Variants in PLEKHA7 observed in about 807,000 individuals in gnomAD.
PLEKHA7 encodes the protein pleckstrin homology domain containing A7.
A neutral mutation model predicts 170.0 loss-of-function variants in PLEKHA7; 104 were observed. The ratio of observed to expected loss-of-function variants is 0.61; its 90% CI spans 0.52 to 0.72. The LOEUF (loss-of-function observed/expected upper bound fraction) is 0.72, where lower values mean the gene tolerates loss of function less well. Ranked by LOEUF, PLEKHA7 falls within the 30% of genes least tolerant of loss-of-function variation. PLEKHA7 has a pLI of 0.00. For synonymous variants in PLEKHA7, 648 were observed against 660.8 expected (o/e 0.98, Z 0.30); for missense variants, 1,615 against 1,671.7 (o/e 0.97, Z 0.59).
At position 16,826,589 on chromosome 11, in the gene PLEKHA7, C is replaced by T. The variant is rs1274524862; in HGVS notation, c.874G>A (p.Asp292Asn). ...GCCTGCCGCTCCACCTTCTCCATAT[C>T]CCTGCAATGACAGCAGCACATTCAG... ...QVLSRSSLKR[D>N]MEKVERQAVP... The change falls in exon 10 of 27, where the codon GAT (aspartate) becomes AAT (asparagine). Residue 292 changes from aspartate to asparagine, a missense_variant and splice_region_variant. Physicochemically the swap from Asp to Asn is conservative, Grantham distance 23. Transcript: ENST00000531066. 1 of 1,610,564 alleles carries T rather than the reference C, an allele frequency of 6.2e-7. No homozygotes were observed.
chr11:16,983,567 T>C (rs11024100), intron 3 of PLEKHA7, among the ~76,000 whole-genome samples: 1,755 of 152,218 alleles, frequency 0.012, 14 homozygotes, highest in South Asian at 0.021. Flanking sequence ...ATGTGGCATT[T>C]CTCGTTTACT....
chr11:16,910,896 C>G (rs1463999179), intron 3 of PLEKHA7, among the ~76,000 whole-genome samples: 1 of 152,224 alleles, frequency 6.6e-6, no homozygotes, highest in Non-Finnish European at 1.5e-5. Flanking sequence ...TTCTTCCAGG[C>G]TTGGCTCCAG....
At chr11:16,816,044 T>G in intron 12 of PLEKHA7, 134 bp downstream of exon 12, 1 of 736,150 alleles carries the variant, frequency 1.4e-6, no homozygotes, top group South Asian at 1.7e-5. Context: ...TCATTCAACT[T>G]CTCTGAGCCT....
chr11:16,789,714 G>A lies in PLEKHA7; in HGVS notation c.3156+61C>T. On this transcript the variant is annotated intron_variant, in intron 22 of 26. Coordinates refer to ENST00000531066, the MANE Select transcript of PLEKHA7 (RefSeq NM_001329630.2). The surrounding 1 kb of genome is among the most constrained non-coding windows in gnomAD (Gnocchi z 4.6). ...GGGATGGCCAGTTACTGTCCCCCTG[G>A]GAGACCCTCCCTCCCCATGTGAAGG... 4.1e-6 allele frequency: 6 copies of A among 1,466,696 alleles called. No homozygotes were observed. Among genetic ancestry groups the A allele is most frequent in the Non-Finnish European group, 5.7e-6 (6 of 1,056,184 alleles). The allele number at this position is 1,466,696 out of a possible 1,614,324, so 90.9% of individuals were successfully genotyped here. A position where few individuals can be genotyped will look rare whatever the true frequency, so the allele number is the denominator to read the frequency against.
intron 21 of PLEKHA7, 123 bp from the exon 22 acceptor site, chr11:16,790,001 T>TCTTCTTC: frequency 1.2e-6 from 1 of 848,802 alleles, no homozygotes; most frequent in Non-Finnish European, 1.9e-6. Context: ...CCCTTATTTC[T>TCTTCTTC]CTTCTTCCTC....
chr11:16,925,950 G>A (rs1228876689), intron 3 of PLEKHA7, among the ~76,000 whole-genome samples: 1 of 152,246 alleles, frequency 6.6e-6, no homozygotes, highest in Non-Finnish European at 1.5e-5. Context: ...AGGACCTGCG[G>A]CCTCAGAACT....
chr11:16,824,740 T>TA (rs2134911477), intron 10 of PLEKHA7, among the ~76,000 whole-genome samples: 1 of 152,364 alleles, frequency 6.6e-6, no homozygotes, highest in South Asian at 2.1e-4. Context: ...CTTACCTGCT[T>TA]AAAACCTTCC....
At chr11:16,995,871 A>G (rs1342016517) in intron 3 of PLEKHA7, among the ~76,000 whole-genome samples, 2 of 152,204 alleles carry the variant, frequency 1.3e-5, no homozygotes, top group Non-Finnish European at 2.9e-5. Context: ...ACCACACGTA[A>G]AATTGGACAT....
intron 3 of PLEKHA7, among the ~76,000 whole-genome samples, chr11:17,007,478 A>G (rs757878459): frequency 5.9e-4 from 90 of 152,030 alleles, no homozygotes; most frequent in Non-Finnish European, 8.7e-4. Context: ...ACTCGCCACC[A>G]TGCCCATAAA....
At chr11:16,893,970 T>C (rs1396894339) in intron 3 of PLEKHA7, among the ~76,000 whole-genome samples, 1 of 152,190 alleles carries the variant, frequency 6.6e-6, no homozygotes, top group Non-Finnish European at 1.5e-5. Context: ...TGAATCAGGT[T>C]AGGAAGCATC....
chr11:16,789,471 C>G lies in PLEKHA7; in HGVS notation c.3157-175G>C. ...CTCTAAGCAACACGATGCCCCCAAC[C>G]CTCAGGAGCTTTCTGAGTAGCACCC... On this transcript the variant is annotated intron_variant, in intron 22 of 26. Coordinates refer to ENST00000531066, the MANE Select transcript of PLEKHA7 (RefSeq NM_001329630.2). The surrounding 1 kb of genome is among the most constrained non-coding windows in gnomAD (Gnocchi z 4.6). 1 of 658,420 alleles carries G rather than the reference C, an allele frequency of 1.5e-6. No homozygotes were observed. The highest frequency in any genetic ancestry group is 2.6e-6 in the Non-Finnish European group (1 of 385,404). The allele number at this position is 658,420 out of a possible 1,614,324, so 40.8% of individuals were successfully genotyped here. A position where few individuals can be genotyped will look rare whatever the true frequency, so the allele number is the denominator to read the frequency against.
At chr11:16,863,779 G>T (rs1342505201) in intron 4 of PLEKHA7, among the ~76,000 whole-genome samples, 1 of 152,140 alleles carries the variant, frequency 6.6e-6, no homozygotes, top group East Asian at 1.9e-4. Context: ...TACCCCTTTA[G>T]GAGGGGCCCT....
chr11:16,785,296 C>T (rs1178058425), intron 24 of PLEKHA7, among the ~76,000 whole-genome samples: 4 of 152,198 alleles, frequency 2.6e-5, no homozygotes, highest in Admixed American at 2.0e-4. Context: ...ATTGAGGTCT[C>T]GCCTCGATCC....
rs534413854 is a variant in PLEKHA7, at chr11:16,941,605, G to A, written c.222-70423C>T. Among the ~76,000 whole-genome samples the A allele has an allele frequency of 2.0e-5, 3 of 152,248 alleles. No homozygotes were observed. In the South Asian group the frequency reaches 6.2e-4, roughly 32 times the overall value. ...CAAGTATATGCTAAGAGCTTTATAG[G>A]CATTATCCTATTTAATACAACATTT... is the stretch of plus-strand genomic sequence containing the variant. On this transcript the variant is annotated intron_variant, in intron 3 of 26. Coordinates refer to ENST00000531066, the MANE Select transcript of PLEKHA7 (RefSeq NM_001329630.2).
chr11:16,789,912 T>C lies in PLEKHA7; in HGVS notation c.3053-34A>G. 6.3e-7 allele frequency: 1 copy of C among 1,583,572 alleles called. No individual in the cohort carries two copies. The highest frequency in any genetic ancestry group is 1.1e-5 in the South Asian group (1 of 90,312). On this transcript the variant is annotated intron_variant, in intron 21 of 26. Transcript: ENST00000531066. This position sits in a 1 kb window ranked among gnomAD's most constrained non-coding sequence, Gnocchi z 4.6. ...GGAAAGAGAAGTGCAAGCATGTTTG[T>C]GCTGGGGTGGATGGGTCCCTGCTTC... is the stretch of plus-strand genomic sequence containing the variant.
At chr11:16,786,537 C>T (rs754876906) in intron 23 of PLEKHA7, 150 bp from the exon 24 acceptor site, 1 of 1,460,126 alleles carries the variant, frequency 6.8e-7, no homozygotes, top group Non-Finnish European at 9.0e-7. Flanking sequence ...AAGCTGCTGT[C>T]CCCTTCATAT....
chr11:16,881,197 T>C (rs541086349), intron 3 of PLEKHA7: 6 of 152,190 alleles, frequency 3.9e-5, no homozygotes, highest in East Asian at 1.9e-4. Context: ...AATCAGAATA[T>C]ACCACAGCAA....
intron 23 of PLEKHA7, chr11:16,786,774 G>C (rs759402555): frequency 2.0e-5 from 20 of 985,270 alleles, no homozygotes; most frequent in Non-Finnish European, 2.4e-5. Context: ...TACGTCCCAG[G>C]CTCAGAATTA....
intron 3 of PLEKHA7, among the ~76,000 whole-genome samples, chr11:16,982,809 A>C (rs1291009104): frequency 6.9e-6 from 1 of 143,960 alleles, no homozygotes; most frequent in Non-Finnish European, 1.5e-5. Context: ...ACACACACGG[A>C]GAAAGAGAGA....
Sources: allele counts gnomAD v4.1 joint callset (sites outside exome capture counted in the v4.1 genomes callset), GRCh38; gene constraint gnomAD v4.1.1; non-coding constraint Gnocchi (gnomAD v3.1); transcripts MANE v1.5; gene names NCBI Gene and HGNC (gene_info 2026-07-23, HGNC 2026-07-21).